PRICKLE2: variants seen among roughly 807,000 people sequenced by gnomAD.
The protein encoded by PRICKLE2 is prickle-like protein 2.
PRICKLE2 carries 21 observed loss-of-function variants against 81.4 expected under a neutral mutation model. The observed-to-expected ratio is 0.26, with a 90% confidence interval of 0.18 to 0.37. PRICKLE2 has a LOEUF of 0.37. Among genes scored for constraint, PRICKLE2 ranks in the 10% least tolerant of loss-of-function variants. PRICKLE2 has a pLI of 1.00. For missense variants in PRICKLE2, 940 were observed against 1,109.0 expected, an observed-to-expected ratio of 0.85 and a Z score of 2.16; for synonymous variants, 456 against 421.5, an observed-to-expected ratio of 1.08 and a Z score of -1.00.
At chr3:64,220,847 C>T (rs969042479) in intron 1 of PRICKLE2, among the ~76,000 whole-genome samples, 11 of 152,142 alleles carry the variant, frequency 7.2e-5, no homozygotes, top group Non-Finnish European at 1.3e-4. Flanking sequence ...CATAGCCAAA[C>T]ATGCGCTAAA....
chr3:64,110,286 T>G (rs1400892546), intron 7 of PRICKLE2, among the ~76,000 whole-genome samples: 3 of 152,154 alleles, frequency 2.0e-5, no homozygotes, highest in African/African-American at 4.8e-5. Flanking sequence ...TGGGAAACAC[T>G]TGACTACAGG....
chr3:64,238,054 T>C (rs2079207988), intron 2 of PRICKLE2, among the ~76,000 whole-genome samples: 1 of 152,182 alleles, frequency 6.6e-6, no homozygotes, highest in African/African-American at 2.4e-5. Flanking sequence ...GAAAATGGCC[T>C]TGCAGCCACC....
chr3:64,153,540 A>G, intron 5 of PRICKLE2, 172 bp from the exon 6 acceptor site: 2 of 624,712 alleles, frequency 3.2e-6, no homozygotes, highest in Non-Finnish European at 2.8e-6. Context: ...ATCAGTTCCT[A>G]TACATGGATT....
chr3:64,241,120 CAG>C (rs1351727011), intron 2 of PRICKLE2, among the ~76,000 whole-genome samples: 1 of 152,356 alleles, frequency 6.6e-6, no homozygotes, highest in South Asian at 2.1e-4. Flanking sequence ...CAAGCTGTCA[CAG>C]ACAGTATACA....
chr3:64,137,613 G>A (rs572092208), intron 7 of PRICKLE2, among the ~76,000 whole-genome samples: 1 of 152,292 alleles, frequency 6.6e-6, no homozygotes, highest in South Asian at 2.1e-4. Flanking sequence ...CATTGTAGCA[G>A]GGGTATATCG....
intron 2 of PRICKLE2, among the ~76,000 whole-genome samples, chr3:64,193,171 T>C (rs917101723): frequency 7.2e-5 from 11 of 152,198 alleles, no homozygotes; most frequent in African/African-American, 2.4e-4. Context: ...TGCTGCTGTC[T>C]TGTAATATAG....
intron 2 of PRICKLE2, among the ~76,000 whole-genome samples, chr3:64,177,370 C>T (rs750652341): frequency 2.0e-5 from 3 of 151,792 alleles, no homozygotes; most frequent in African/African-American, 4.8e-5. Flanking sequence ...CTCCTGACCT[C>T]GATCCACTTG....
At chr3:64,212,440 C>A (rs1011545607) in intron 1 of PRICKLE2, among the ~76,000 whole-genome samples, 2 of 152,162 alleles carry the variant, frequency 1.3e-5, no homozygotes, top group African/African-American at 4.8e-5. Context: ...TTCTAACACA[C>A]CTCATCTCCA....
chr3:64,263,207 A>C (rs1432430787), intron 2 of PRICKLE2, among the ~76,000 whole-genome samples: 3 of 152,244 alleles, frequency 2.0e-5, no homozygotes, highest in African/African-American at 7.2e-5. Flanking sequence ...CTAGAAGGCA[A>C]CATGAGTAAG....
intron 3 of PRICKLE2, among the ~76,000 whole-genome samples, chr3:64,160,636 A>G (rs1476002936): frequency 6.6e-6 from 1 of 152,174 alleles, no homozygotes; most frequent in Non-Finnish European, 1.5e-5. Context: ...TGCTGCACAA[A>G]AGTCTCTGCA....
chr3:64,166,076 T>C (rs988450546), intron 2 of PRICKLE2, among the ~76,000 whole-genome samples: 2 of 151,702 alleles, frequency 1.3e-5, no homozygotes, highest in Admixed American at 6.6e-5. Context: ...CATGAGGAAA[T>C]AGAATATGCC....
chr3:64,155,050 C>T (rs1487351149), intron 5 of PRICKLE2: 5 of 146,320 alleles, frequency 3.4e-5, no homozygotes, highest in Admixed American at 2.8e-4. Context: ...TCAGGAGGTT[C>T]GGTCAGGAGA....
chr3:64,153,496 A>C (rs1487239886), intron 5 of PRICKLE2, 128 bp from the exon 6 acceptor site: 7 of 814,842 alleles, frequency 8.6e-6, no homozygotes, highest in South Asian at 1.5e-5. Context: ...TAATTAAACA[A>C]AAATCCATAT....
intron 7 of PRICKLE2, among the ~76,000 whole-genome samples, chr3:64,144,686 T>G (rs541171965): frequency 3.3e-5 from 5 of 152,356 alleles, no homozygotes; most frequent in African/African-American, 1.2e-4. Context: ...CTATCAGTGG[T>G]GAAGGACCAG....
At position 64,147,700 on chromosome 3, in the gene PRICKLE2, T is replaced by A. The variant is rs1297914149; in HGVS notation, c.790A>T (p.Ile264Phe). 2 of 1,613,440 alleles carry A rather than the reference T, an allele frequency of 1.2e-6. No individual in the cohort carries two copies. The highest frequency in any genetic ancestry group is 1.7e-6 in the Non-Finnish European group (2 of 1,180,014). ...YCDTCAQHIG[I>F]DQGQMTYDGQ... is the part of the protein sequence containing the mutation. ...TCATAGGTCATTTGACCTTGGTCGATACCTAAAAAAATGAGAGACATTGGA... is the reference window on the plus strand; with the variant it reads ...TCATAGGTCATTTGACCTTGGTCGAAACCTAAAAAAATGAGAGACATTGGA... The change falls in exon 7 of 8, where the codon ATC becomes TTC. Residue 264 changes from isoleucine (I) to phenylalanine (F), a missense_variant and splice_region_variant. Ile to Phe is a conservative substitution (Grantham distance 21). Transcript: ENST00000638394. This position sits in a 1 kb window ranked among gnomAD's most constrained non-coding sequence, Gnocchi z 5.0.
intron 2 of PRICKLE2, chr3:64,187,403 C>G (rs1201380785): frequency 6.6e-6 from 1 of 152,344 alleles, no homozygotes; most frequent in Non-Finnish European, 1.5e-5. Context: ...CCCTTCTTCC[C>G]TCCCTTCCCA....
chr3:64,262,322 C>T lies in PRICKLE2; in HGVS notation c.129-63355G>A, dbSNP rs115066403. Among the ~76,000 whole-genome samples the T allele has an allele frequency of 9.1e-3, 1,389 of 152,180 alleles. 20 individuals are homozygous for T. Among genetic ancestry groups the T allele is most frequent in the African/African-American group, 0.032 (1,310 of 41,538 alleles). The stretch of plus-strand genomic sequence containing the variant: ...AATCAAAGGTGCCAAAAGTTTTTAG[C>T]TCAAGCAACTGGGTAGCTGGAGGTG... On this transcript the variant is annotated intron_variant, in intron 2 of 8. Transcript: ENST00000295902.
At chr3:64,181,502 T>C (rs965819970) in intron 2 of PRICKLE2, among the ~76,000 whole-genome samples, 3 of 152,188 alleles carry the variant, frequency 2.0e-5, no homozygotes. Flanking sequence ...TCTATTATAA[T>C]TATGTCCTTT....
chr3:64,259,885 C>T (rs902755150), intron 2 of PRICKLE2, among the ~76,000 whole-genome samples: 2 of 152,126 alleles, frequency 1.3e-5, no homozygotes, highest in African/African-American at 4.8e-5. Flanking sequence ...GCTTCCAGAA[C>T]AGTAAGAGAA....
Sources: gnomAD v4.1 joint callset for allele counts (sites outside exome capture counted in the v4.1 genomes callset) on GRCh38, gnomAD v4.1.1 for gene constraint, Gnocchi (gnomAD v3.1) non-coding constraint, MANE v1.5 for transcripts, NCBI Gene and HGNC (gene_info 2026-07-23, HGNC 2026-07-21) for gene names.